ITGAE: variants seen among roughly 807,000 people sequenced by gnomAD.
ITGAE encodes the protein integrin alpha-E.
ITGAE carries 99 observed loss-of-function variants against 136.5 expected under a neutral mutation model. That is an observed-to-expected ratio of 0.73 (90% CI 0.62 to 0.86). ITGAE has a LOEUF of 0.86. Among genes scored for constraint, ITGAE ranks in the 40% least tolerant of loss-of-function variants. The probability of loss-of-function intolerance (pLI) is 0.00; values close to 1 mark genes in which losing one functional copy is unlikely to be tolerated. For synonymous variants in ITGAE, 613 were observed against 591.8 expected, an observed-to-expected ratio of 1.04 and a Z score of -0.52; for missense variants, 1,447 against 1,515.3, an observed-to-expected ratio of 0.95 and a Z score of 0.75.
chr17:3,783,369 C>G (rs979203992), intron 1 of ITGAE, among the ~76,000 whole-genome samples: 1 of 152,120 alleles, frequency 6.6e-6, no homozygotes, highest in African/African-American at 2.4e-5. Flanking sequence ...TCATACTCGT[C>G]CTGACCTCAA....
chr17:3,776,338 G>C (rs1044253974), intron 2 of ITGAE, among the ~76,000 whole-genome samples: 1 of 151,864 alleles, frequency 6.6e-6, no homozygotes, highest in East Asian at 1.9e-4. Flanking sequence ...GATTACAGGC[G>C]TGAGCCACCG....
intron 26 of ITGAE, chr17:3,726,510 A>T (rs2051216873): frequency 1.7e-6 from 1 of 596,076 alleles, no homozygotes; most frequent in Non-Finnish European, 3.0e-6. Context: ...AAATGTTTAA[A>T]TTTGCTGATA....
At chr17:3,756,224 CTTTTTTT>C (rs398041526) in intron 10 of ITGAE, among the ~76,000 whole-genome samples, 1 of 95,028 alleles carries the variant, frequency 1.1e-5, no homozygotes, top group Non-Finnish European at 2.1e-5. Context: ...TATTGTTGGC[CTTTTTTT>C]TTTTTTTTTT....
intron 2 of ITGAE, among the ~76,000 whole-genome samples, chr17:3,769,089 C>A (rs1298292460): frequency 3.3e-5 from 5 of 152,172 alleles, no homozygotes; most frequent in Non-Finnish European, 7.3e-5. Flanking sequence ...TCCTTCCCTG[C>A]TCCCCCAGGA....
chr17:3,794,920 C>T (rs1324552287), intron 1 of ITGAE, among the ~76,000 whole-genome samples: 5 of 151,702 alleles, frequency 3.3e-5, no homozygotes, highest in African/African-American at 9.8e-5. Flanking sequence ...CCTGGGCGTC[C>T]GTGGCACCCC....
chr17:3,751,818 G>C lies in ITGAE; in HGVS notation c.1725C>G (p.Ala575=), dbSNP rs749848495. The change falls in exon 15 of 31, where the codon GCC becomes GCG. Residue 575 remains alanine, a synonymous_variant. Transcript: ENST00000263087. The part of the protein sequence containing the change: ...ILSGHPGFTN[A]RFGFAMAAMG... Reference sequence around the variant, plus strand: ...TAGCCGCCATGGCAAAGCCAAAGCGGGCATTGGTGAACCCGGGGTGCCCAC... The same window carrying C: ...TAGCCGCCATGGCAAAGCCAAAGCGCGCATTGGTGAACCCGGGGTGCCCAC... 3.1e-5 allele frequency: 50 copies of C among 1,614,012 alleles called. No individual in the cohort carries two copies. Among genetic ancestry groups the C allele is most frequent in the Non-Finnish European group, 4.1e-5 (48 of 1,179,992 alleles).
intron 1 of ITGAE, among the ~76,000 whole-genome samples, chr17:3,783,434 G>A (rs2052709857): frequency 6.6e-6 from 1 of 152,194 alleles, no homozygotes; most frequent in Admixed American, 6.6e-5. Context: ...GTGAGCCACC[G>A]CGCCTAGCCC....
In ITGAE at chr17:3,761,183, A is replaced by ATT. The variant is rs1567541023; in HGVS notation, c.434-7_434-6insAA. ...ATCTGGATCCAGGAGATTTTCTTTAAAAACACACATGGAAGAGCTCAGAGT... is the reference window on the plus strand; with the variant it reads ...ATCTGGATCCAGGAGATTTTCTTTAATTAAACACACATGGAAGAGCTCAGAGT... On this transcript the variant is annotated splice_polypyrimidine_tract_variant and splice_region_variant and intron_variant, in intron 5 of 30. Coordinates refer to ENST00000263087, the MANE Select transcript of ITGAE (RefSeq NM_002208.5). The ATT allele has an allele frequency of 6.2e-7, 1 of 1,610,826 alleles. No individual in the cohort carries two copies. Among genetic ancestry groups the ATT allele is most frequent in the Admixed American group, 1.7e-5 (1 of 59,860 alleles).
At chr17:3,734,720 A>G (rs2051422878) in intron 21 of ITGAE, 97 bp downstream of exon 21, 2 of 1,459,180 alleles carry the variant, frequency 1.4e-6, no homozygotes, top group Non-Finnish European at 1.9e-6. Context: ...AGGAGGCTGG[A>G]GGCAGGGGTG....
chr17:3,763,911 G>C lies in ITGAE; in HGVS notation c.205C>G (p.Arg69Gly), dbSNP rs371526217. 3.7e-6 allele frequency: 6 copies of C among 1,613,936 alleles called. No homozygotes were observed. The highest frequency in any genetic ancestry group is 5.1e-6 in the Non-Finnish European group (6 of 1,179,956). ...ATTTCATCCTGGACAAGGGAACATC[G>C]ATGGAGGGGCCCTGGTGTCCTCTTG... ...RTKRTPGPLH[R>G]CSLVQDEILC... The change falls in exon 3 of 31, where the codon CGA (arginine) becomes GGA (glycine). Residue 69 changes from arginine to glycine, a missense_variant. Physicochemically the swap from Arg to Gly is moderately radical, Grantham distance 125. Around this residue, in one of 3 missense-constraint regions of ITGAE, gnomAD observed 106 missense variants for 87.8 expected, o/e 1.21. Coordinates refer to ENST00000263087, the MANE Select transcript of ITGAE (RefSeq NM_002208.5).
At chr17:3,762,610 T>G (rs2052201058) in intron 3 of ITGAE, among the ~76,000 whole-genome samples, 1 of 146,202 alleles carries the variant, frequency 6.8e-6, no homozygotes, top group African/African-American at 2.6e-5. Flanking sequence ...TTTTTTTTTT[T>G]TTTTTGAGAC....
chr17:3,797,731 G>C (rs2053156567), intron 1 of ITGAE, among the ~76,000 whole-genome samples: 1 of 152,124 alleles, frequency 6.6e-6, no homozygotes, highest in African/African-American at 2.4e-5. Context: ...ATAGTGCTGG[G>C]ATTTCAGGCG....
In ITGAE at chr17:3,723,761, G is replaced by T. The variant is rs1266711989; in HGVS notation, c.3085-17C>A. On this transcript the variant is annotated splice_polypyrimidine_tract_variant and intron_variant, in intron 26 of 30. Transcript: ENST00000263087. ...CGTGGAGGCCTGAAACGAGAGCCAT[G>T]ACCGCGACGCGCTGAACAAACCAAG... 1.9e-6 allele frequency: 3 copies of T among 1,605,800 alleles called. No individual in the cohort carries two copies. Among genetic ancestry groups the T allele is most frequent in the Non-Finnish European group, 2.5e-6 (3 of 1,176,688 alleles).
intron 26 of ITGAE, chr17:3,724,569 C>T (rs1275210330): frequency 1.2e-6 from 2 of 1,614,058 alleles, no homozygotes; most frequent in African/African-American, 1.3e-5. Flanking sequence ...AGAAGTCTCC[C>T]TGGACCGAGC....
chr17:3,729,951 C>T (rs1026387537), intron 23 of ITGAE, among the ~76,000 whole-genome samples: 7 of 152,138 alleles, frequency 4.6e-5, no homozygotes, highest in East Asian at 3.9e-4. Flanking sequence ...CATAGGTGAA[C>T]GTGTGCCATG....
At position 3,755,114 on chromosome 17, in the gene ITGAE, C is replaced by T. The variant is rs1198623611; in HGVS notation, c.1384+3G>A. On this transcript the variant is annotated splice_donor_region_variant and intron_variant, in intron 12 of 30. Transcript: ENST00000263087. Reference sequence around the variant, plus strand: ...CGCCCTCATCAGGTGGCCCCGCCCTCACCCAGGTAGCTGTACTGCGCAGCC... The same window carrying T: ...CGCCCTCATCAGGTGGCCCCGCCCTTACCCAGGTAGCTGTACTGCGCAGCC... The T allele has an allele frequency of 1.3e-6, 2 of 1,586,860 alleles. No individual in the cohort carries two copies. Among genetic ancestry groups the T allele is most frequent in the Non-Finnish European group, 1.7e-6 (2 of 1,170,230 alleles).
intron 1 of ITGAE, among the ~76,000 whole-genome samples, chr17:3,791,907 C>T (rs1174714574): frequency 2.6e-5 from 4 of 152,142 alleles, no homozygotes; most frequent in African/African-American, 4.8e-5. Flanking sequence ...TTGTGTCATC[C>T]GCTTGATGGA....
chr17:3,757,170 C>T lies in ITGAE; in HGVS notation c.1021-36G>A, dbSNP rs370453646. 31 of 1,604,774 alleles carry T rather than the reference C, an allele frequency of 1.9e-5. 1 individual carries two copies. In the South Asian group the frequency reaches 2.8e-4, roughly 14 times the overall value. On this transcript the variant is annotated intron_variant, in intron 9 of 30. Coordinates refer to ENST00000263087, the MANE Select transcript of ITGAE (RefSeq NM_002208.5). Reference sequence around the variant, plus strand: ...AGCCTGGGTCAGCGAGTCAGCGCTGCGTGGATTCCCCAGGCCCAGGGAGAG... The same window carrying T: ...AGCCTGGGTCAGCGAGTCAGCGCTGTGTGGATTCCCCAGGCCCAGGGAGAG...
chr17:3,743,543 C>T lies in ITGAE; in HGVS notation c.2394G>A (p.Thr798=), dbSNP rs770402609. The change falls in exon 19 of 31, where the codon ACG becomes ACA. Residue 798 remains threonine (T), a synonymous_variant. Transcript: ENST00000263087. ...SYQLQTPEGQ[T]DHPQPILDRY... is the part of the protein sequence containing the mutation. ...GGTCCAGGATGGGCTGGGGATGGTC[C>T]GTCTGTCCCTCAGGGGTCTGGAGCT... The T allele has an allele frequency of 1.7e-5, 27 of 1,611,964 alleles. No individual in the cohort carries two copies. In the East Asian group the frequency reaches 1.8e-4, roughly 11 times the overall value.
Sources: gnomAD v4.1 joint callset for allele counts (sites outside exome capture counted in the v4.1 genomes callset) on GRCh38, gnomAD v4.1.1 for gene constraint, gnomAD v4.1.1 regional missense constraint, MANE v1.5 for transcripts, NCBI Gene and HGNC (gene_info 2026-07-23, HGNC 2026-07-21) for gene names.